IL1RAPL1: variants seen among roughly 807,000 people sequenced by gnomAD.
The protein encoded by IL1RAPL1 is interleukin-1 receptor accessory protein-like 1.
IL1RAPL1 carries 3 observed loss-of-function variants against 48.4 expected under a neutral mutation model. That is an observed-to-expected ratio of 0.06 (90% confidence interval 0.03 to 0.16). IL1RAPL1 has a LOEUF of 0.16. IL1RAPL1 is among the 10% of genes least tolerant of loss of function. The probability of loss-of-function intolerance (pLI) is 1.00; values close to 1 mark genes in which losing one functional copy is unlikely to be tolerated. For synonymous variants in IL1RAPL1, 185 were observed against 187.7 expected (o/e 0.99, Z 0.12); for missense variants, 349 against 530.6 (o/e 0.66, Z 3.36).
chrX:29,399,550 G>A (rs1034244971), intron 5 of IL1RAPL1, among the ~76,000 whole-genome samples: 2 of 111,771 alleles, frequency 1.8e-5, no homozygotes, highest in African/African-American at 6.5e-5. Flanking sequence ...GCCGGGCACC[G>A]TGGCTCATGC....
intron 5 of IL1RAPL1, among the ~76,000 whole-genome samples, chrX:29,466,150 T>G (rs1466396524): frequency 8.9e-6 from 1 of 112,319 alleles, no homozygotes; most frequent in African/African-American, 3.2e-5. Context: ...TACCTTGTAT[T>G]TTATCTGGCA....
intron 2 of IL1RAPL1, among the ~76,000 whole-genome samples, chrX:29,249,755 C>T (rs772765347): frequency 1.8e-5 from 2 of 111,476 alleles, no homozygotes; most frequent in Non-Finnish European, 3.8e-5. Context: ...AAGTCAAAAT[C>T]TTATATGAAT....
intron 2 of IL1RAPL1, among the ~76,000 whole-genome samples, chrX:28,869,518 A>T (rs1386400177): frequency 8.9e-6 from 1 of 112,302 alleles, no homozygotes; most frequent in Non-Finnish European, 1.9e-5. Flanking sequence ...CTAAGGGGCT[A>T]AAAGAAAGTA....
chrX:29,237,737 G>A (rs1356027093), intron 2 of IL1RAPL1, among the ~76,000 whole-genome samples: 2 of 112,149 alleles, frequency 1.8e-5, no homozygotes, highest in Non-Finnish European at 3.8e-5. Flanking sequence ...GGGCAATGCT[G>A]CTTCAATAGA....
chrX:29,348,273 T>A (rs765784240), intron 3 of IL1RAPL1, among the ~76,000 whole-genome samples: 1 of 111,428 alleles, frequency 9.0e-6, no homozygotes, highest in South Asian at 3.7e-4. Context: ...AAGGTGAAAA[T>A]GAGATGGGAC....
intron 2 of IL1RAPL1, among the ~76,000 whole-genome samples, chrX:29,038,113 A>G (rs1926769117): frequency 9.0e-6 from 1 of 111,551 alleles, no homozygotes; most frequent in Non-Finnish European, 1.9e-5. Flanking sequence ...CAGAGGGGCA[A>G]TGGTTTAGGT....
chrX:29,650,427 G>T (rs1925479413), intron 5 of IL1RAPL1, among the ~76,000 whole-genome samples: 1 of 109,657 alleles, frequency 9.1e-6, no homozygotes, highest in Non-Finnish European at 1.9e-5. Flanking sequence ...TAAAAACATA[G>T]ACCAATGAAG....
chrX:28,827,980 A>G (rs979824789), intron 2 of IL1RAPL1, among the ~76,000 whole-genome samples: 10 of 111,848 alleles, frequency 8.9e-5, no homozygotes, highest in African/African-American at 2.9e-4. Context: ...TCTGATTTGT[A>G]TGTGTCTCCA....
At chrX:29,882,594 T>C (rs746779657) in intron 6 of IL1RAPL1, among the ~76,000 whole-genome samples, 8 of 111,504 alleles carry the variant, frequency 7.2e-5, no homozygotes, top group Non-Finnish European at 1.1e-4. Flanking sequence ...CTTTATAGTA[T>C]AAAGGTGGAC....
At chrX:29,906,460 AATATATATATATATATATATAT>A (rs1164023016) in intron 6 of IL1RAPL1, among the ~76,000 whole-genome samples, 1,013 of 29,836 alleles carry the variant, frequency 0.034, 31 homozygotes, top group Middle Eastern at 0.097. Context: ...TAACTTTGTA[AATATATATATATATATATATAT>A]ATATATATAT....
chrX:29,931,186 G>C (rs75230182), intron 8 of IL1RAPL1, among the ~76,000 whole-genome samples: 13,787 of 110,019 alleles, frequency 0.13, 782 homozygotes, highest in East Asian at 0.2. Flanking sequence ...TTTTTTTAAA[G>C]GTTAACAGAG....
intron 5 of IL1RAPL1, among the ~76,000 whole-genome samples, chrX:29,591,968 A>G (rs763089868): frequency 4.5e-5 from 5 of 111,852 alleles, no homozygotes; most frequent in South Asian, 7.5e-4. Context: ...CCAGCTGTCT[A>G]TGAAAGGCTG....
chrX:28,819,080 G>A (rs910717318), intron 2 of IL1RAPL1, among the ~76,000 whole-genome samples: 2 of 110,753 alleles, frequency 1.8e-5, no homozygotes, highest in African/African-American at 6.5e-5. Flanking sequence ...TTATATGTGA[G>A]TTACAAGTCA....
chrX:29,668,764 A>G (rs763755115), intron 6 of IL1RAPL1, among the ~76,000 whole-genome samples: 4 of 111,618 alleles, frequency 3.6e-5, no homozygotes, highest in Admixed American at 1.9e-4. Flanking sequence ...GATTTTAGTG[A>G]TGGTATTACA....
At chrX:29,058,339 T>C (rs1336564827) in intron 2 of IL1RAPL1, among the ~76,000 whole-genome samples, 3 of 104,504 alleles carry the variant, frequency 2.9e-5, no homozygotes, top group Admixed American at 1.0e-4. Context: ...ATCACACCAC[T>C]GTACTCCAGC....
At chrX:29,662,054 A>C (rs1925862594) in intron 5 of IL1RAPL1, among the ~76,000 whole-genome samples, 1 of 109,939 alleles carries the variant, frequency 9.1e-6, no homozygotes, top group African/African-American at 3.3e-5. Context: ...TATTTTTAAA[A>C]CTCTCCAAAG....
chrX:29,579,989 C>T (rs779721154), intron 5 of IL1RAPL1, among the ~76,000 whole-genome samples: 3 of 111,485 alleles, frequency 2.7e-5, no homozygotes, highest in East Asian at 5.6e-4. Context: ...TATATTGTCA[C>T]TTTATATAGG....
chrX:29,588,905 T>G (rs1923275142), intron 5 of IL1RAPL1, among the ~76,000 whole-genome samples: 1 of 111,899 alleles, frequency 8.9e-6, no homozygotes, highest in Non-Finnish European at 1.9e-5. Context: ...GCTACTTGGG[T>G]TCTATGTTAT....
intron 5 of IL1RAPL1, among the ~76,000 whole-genome samples, chrX:29,493,343 G>A (rs1350946501): frequency 8.9e-6 from 1 of 112,144 alleles, no homozygotes; most frequent in Non-Finnish European, 1.9e-5. Flanking sequence ...TTCATATCAA[G>A]TTTGATTTAT....
Sources: allele counts gnomAD v4.1 joint callset (sites outside exome capture counted in the v4.1 genomes callset), GRCh38; gene constraint gnomAD v4.1.1; transcripts MANE v1.5; gene names NCBI Gene and HGNC (gene_info 2026-07-23, HGNC 2026-07-21).